FANCA: variants seen among roughly 807,000 people sequenced by gnomAD.
FANCA encodes the protein Fanconi anemia group A protein.
A neutral mutation model predicts 194.3 loss-of-function variants in FANCA; 236 were observed. The ratio of observed to expected loss-of-function variants is 1.21; its 90% CI spans 1.09 to 1.35. The LOEUF (loss-of-function observed/expected upper bound fraction) is 1.35, where lower values mean the gene tolerates loss of function less well. Ranked by LOEUF, FANCA falls within the 40% of genes most tolerant of loss-of-function variation. The pLI is 0.00. For synonymous variants in FANCA, 1,014 were observed against 715.8 expected, an observed-to-expected ratio of 1.42 and a Z score of -6.65; for missense variants, 2,628 against 1,813.9, an observed-to-expected ratio of 1.45 and a Z score of -8.15.
intron 6 of FANCA, 37 bp downstream of exon 6, chr16:89,808,257 C>A (rs200630291): frequency 6.3e-7 from 1 of 1,598,024 alleles, no homozygotes; most frequent in Non-Finnish European, 8.6e-7. Flanking sequence ...GACTAGACTG[C>A]AAAAACAGTA....
intron 23 of FANCA, among the ~76,000 whole-genome samples, 171 bp from the exon 24 acceptor site, chr16:89,770,805 T>C (rs1237336980): frequency 6.6e-6 from 1 of 152,178 alleles, no homozygotes; most frequent in African/African-American, 2.4e-5. Flanking sequence ...AGGGCCCCCA[T>C]TCCCCAATCT....
At chr16:89,794,937 G>C (rs186463604) in intron 11 of FANCA, among the ~76,000 whole-genome samples, 1 of 152,138 alleles carries the variant, frequency 6.6e-6, no homozygotes, top group African/African-American at 2.4e-5. Flanking sequence ...AGTTGTGCTG[G>C]GTGATCAGGT....
intron 9 of FANCA, 131 bp from the exon 10 acceptor site, chr16:89,799,363 T>C: frequency 9.2e-7 from 1 of 1,084,504 alleles, no homozygotes; most frequent in South Asian, 1.3e-5. Context: ...TCAAGACTTC[T>C]ACAATCTGTA....
chr16:89,772,990 T>C (rs978162901), intron 22 of FANCA, among the ~76,000 whole-genome samples: 1 of 152,164 alleles, frequency 6.6e-6, no homozygotes, highest in Non-Finnish European at 1.5e-5. Context: ...ACAGGCATCC[T>C]AGTCACGCGT....
At chr16:89,750,899 T>G (rs547467517) in intron 31 of FANCA, among the ~76,000 whole-genome samples, 1 of 152,268 alleles carries the variant, frequency 6.6e-6, no homozygotes, top group African/African-American at 2.4e-5. Flanking sequence ...CTTTTGTTGT[T>G]GTTGTTGTTG....
Position 89,779,950 on chromosome 16 carries a change from C to T in FANCA, c.1634G>A (p.Ser545Asn). 1.2e-6 allele frequency: 2 copies of T among 1,614,136 alleles called. No homozygotes were observed. Among genetic ancestry groups the T allele is most frequent in the Non-Finnish European group, 8.5e-7 (1 of 1,180,002 alleles). Residue 545 changes from serine (S) to asparagine (N), a missense_variant, in exon 18 of 43, where the codon AGC becomes AAC. Physicochemically the swap from Ser to Asn is conservative, Grantham distance 46. Transcript: ENST00000389301. ...SSAGDITEPH[S>N]QALQDVEKAI... ...CTTTTCAACATCCTGAAGAGCTTGG[C>T]TGTGGGGCTGGTTCCCATACAGGGA...
At chr16:89,773,440 C>A (rs2143368581) in intron 21 of FANCA, 56 bp from the exon 22 acceptor site, 6 of 1,253,720 alleles carry the variant, frequency 4.8e-6, no homozygotes, top group Non-Finnish European at 6.8e-6. Flanking sequence ...CTCTTCACTG[C>A]AAAAATAGAA....
intron 15 of FANCA, among the ~76,000 whole-genome samples, chr16:89,783,786 G>A (rs2039804556): frequency 1.3e-5 from 2 of 151,900 alleles, no homozygotes. Context: ...CTTTTGAGAG[G>A]GAGTTTTGCT....
In FANCA at chr16:89,791,408, A is replaced by G. The variant is rs1315792799; in HGVS notation, c.1354T>C (p.Phe452Leu). The stretch of plus-strand genomic sequence containing the variant: ...CCGATTGGCAGGTCACTTACCTTGA[A>G]CCAGTCTGCATATGACAGGAACGCA... ...PSAFLSYADW[F>L]KASFGSTRGY... The change falls in exon 14 of 43, where the codon TTC (phenylalanine) becomes CTC (leucine). Residue 452 changes from phenylalanine (F) to leucine (L), a missense_variant. Coordinates refer to ENST00000389301, the MANE Select transcript of FANCA (RefSeq NM_000135.4). 2 of 1,613,900 alleles carry G rather than the reference A, an allele frequency of 1.2e-6. No individual in the cohort carries two copies. Among genetic ancestry groups the G allele is most frequent in the South Asian group, 2.2e-5 (2 of 91,038 alleles).
chr16:89,811,381 C>G (rs1309030445), intron 3 of FANCA, among the ~76,000 whole-genome samples: 1 of 152,198 alleles, frequency 6.6e-6, no homozygotes. Context: ...CATCTTTTTA[C>G]AAAGGAGCAC....
At chr16:89,743,354 T>C (rs1207676452) in intron 36 of FANCA, among the ~76,000 whole-genome samples, 1 of 152,046 alleles carries the variant, frequency 6.6e-6, no homozygotes, top group East Asian at 1.9e-4. Context: ...GGTGTCTGAG[T>C]TTTCTGGCTG....
rs74033870 is a variant in FANCA, at chr16:89,779,331, G to A, written c.1716-328C>T. Among the ~76,000 whole-genome samples the A allele has an allele frequency of 5.5e-3, 844 of 152,270 alleles. 6 individuals are homozygous for A. The highest frequency in any genetic ancestry group is 0.02 in the African/African-American group (816 of 41,540). ...GCTAAATTTCAAAACCCTGGGAGCT[G>A]CAATCAGCTCATCCACATGTGTAAC... is the stretch of plus-strand genomic sequence containing the variant. On this transcript the variant is annotated intron_variant, in intron 18 of 42. Coordinates refer to ENST00000389301, the MANE Select transcript of FANCA (RefSeq NM_000135.4).
intron 1 of FANCA, 191 bp downstream of exon 1, chr16:89,816,346 G>T: frequency 3.3e-6 from 1 of 306,792 alleles, no homozygotes; most frequent in Non-Finnish European, 5.8e-6. Context: ...GGGGGCGTCC[G>T]CCCAGGCGCA....
intron 24 of FANCA, 126 bp downstream of exon 24, chr16:89,770,438 T>G: frequency 9.4e-7 from 1 of 1,064,588 alleles, no homozygotes; most frequent in Non-Finnish European, 1.4e-6. Context: ...TCCTATTTGA[T>G]GAAACTCAGC....
intron 2 of FANCA, among the ~76,000 whole-genome samples, chr16:89,815,333 G>A (rs904299174): frequency 2.4e-4 from 30 of 124,424 alleles, no homozygotes; most frequent in African/African-American, 8.4e-4. Flanking sequence ...CACCACGCCC[G>A]GCTTTTTTTT....
chr16:89,772,732 T>C (rs570516754), intron 22 of FANCA, among the ~76,000 whole-genome samples: 33 of 147,102 alleles, frequency 2.2e-4, no homozygotes, highest in Middle Eastern at 3.6e-3. Context: ...GGCGGGAGAA[T>C]TGCTTGAACC....
intron 7 of FANCA, among the ~76,000 whole-genome samples, chr16:89,805,065 C>G: frequency 6.6e-6 from 1 of 152,058 alleles, no homozygotes. Context: ...AATGGAAACA[C>G]TTAAACTCAT....
chr16:89,747,015 G>A (rs2038414485), intron 33 of FANCA, 125 bp from the exon 34 acceptor site: 2 of 923,246 alleles, frequency 2.2e-6, no homozygotes, highest in Non-Finnish European at 3.4e-6. Flanking sequence ...TGGCCACCAT[G>A]GATGGTGCTC....
At chr16:89,761,370 G>A (rs2038945684) in intron 29 of FANCA, among the ~76,000 whole-genome samples, 1 of 146,008 alleles carries the variant, frequency 6.8e-6, no homozygotes, top group Non-Finnish European at 1.5e-5. Flanking sequence ...AGTGAGCCGA[G>A]ATCGCGCCAC....
Sources: allele counts gnomAD v4.1 joint callset (sites outside exome capture counted in the v4.1 genomes callset), GRCh38; gene constraint gnomAD v4.1.1; transcripts MANE v1.5; gene names NCBI Gene and HGNC (gene_info 2026-07-23, HGNC 2026-07-21).